ANKS1B: variants seen among roughly 807,000 people sequenced by gnomAD.
ANKS1B encodes the protein ankyrin repeat and sterile alpha motif domain-containing protein 1B.
ANKS1B carries 36 observed loss-of-function variants against 148.3 expected under a neutral mutation model. The observed-to-expected ratio is 0.24, with a 90% confidence interval of 0.19 to 0.32. The LOEUF (loss-of-function observed/expected upper bound fraction) is 0.32, where lower values mean the gene tolerates loss of function less well. ANKS1B is among the 10% of genes least tolerant of loss of function. The pLI is 1.00. For synonymous variants in ANKS1B, 542 were observed against 560.8 expected (o/e 0.97, Z 0.47); for missense variants, 1,157 against 1,542.6 (o/e 0.75, Z 4.19).
chr12:99,284,606 G>T (rs1041361221), intron 12 of ANKS1B, among the ~76,000 whole-genome samples: 1 of 151,946 alleles, frequency 6.6e-6, no homozygotes, highest in Non-Finnish European at 1.5e-5. Flanking sequence ...TTCTTGCCAG[G>T]ACAATGACAA....
chr12:99,088,198 A>G (rs1432463304), intron 15 of ANKS1B, among the ~76,000 whole-genome samples: 1 of 152,168 alleles, frequency 6.6e-6, no homozygotes, highest in Non-Finnish European at 1.5e-5. Context: ...TTTCTATTTT[A>G]TCTTTTTCTA....
chr12:99,148,836 A>T (rs897046880), intron 15 of ANKS1B, among the ~76,000 whole-genome samples: 1 of 152,116 alleles, frequency 6.6e-6, no homozygotes. Flanking sequence ...CGGCAGTTGA[A>T]AAGGTTATTT....
intron 8 of ANKS1B, among the ~76,000 whole-genome samples, chr12:99,666,753 G>C (rs1311148151): frequency 6.6e-6 from 1 of 151,908 alleles, no homozygotes; most frequent in African/African-American, 2.4e-5. Flanking sequence ...AAACAAAACT[G>C]TACATATTTA....
chr12:98,772,956 G>A, intron 25 of ANKS1B, 86 bp downstream of exon 25: 1 of 1,468,450 alleles, frequency 6.8e-7, no homozygotes, highest in South Asian at 1.3e-5. Context: ...AGCCAAGCTA[G>A]TGTGTTAATT....
intron 14 of ANKS1B, among the ~76,000 whole-genome samples, chr12:99,207,381 T>C (rs200198643): frequency 6.5e-5 from 3 of 46,028 alleles, no homozygotes; most frequent in African/African-American, 1.7e-4. Flanking sequence ...TTAATAGATA[T>C]TTATGAAATA....
rs1043883201 is a variant in ANKS1B at position 99,735,781 on chromosome 12, T to C, written c.1128+37141A>G. On this transcript the variant is annotated intron_variant, in intron 8 of 26. Coordinates refer to ENST00000683438, the MANE Select transcript of ANKS1B (RefSeq NM_001352186.2). ...TTCTATGAGGCTAGAATTACCCTGATACTAAAGCCAGACAAGGACATATAC... is the reference window on the plus strand; with the variant it reads ...TTCTATGAGGCTAGAATTACCCTGACACTAAAGCCAGACAAGGACATATAC... Among the ~76,000 whole-genome samples, 14 of 126,370 alleles carry C rather than the reference T, an allele frequency of 1.1e-4. 1 individual carries two copies. Among genetic ancestry groups the C allele is most frequent in the African/African-American group, 4.0e-4 (13 of 32,804 alleles). 82.9% of individuals were successfully genotyped at this position (126,370 alleles called of 152,430 possible).
intron 12 of ANKS1B, among the ~76,000 whole-genome samples, chr12:99,373,431 C>T (rs1433508649): frequency 2.0e-5 from 3 of 152,142 alleles, no homozygotes; most frequent in Non-Finnish European, 4.4e-5. Flanking sequence ...GAAACTATCC[C>T]TTCCCTATTA....
In ANKS1B at chr12:98,843,326, G is replaced by C. The variant is rs149455286; in HGVS notation, c.2779-11190C>G. ...GATTAGTTGTCACAGGGATGAATTA[G>C]TTCCTGCAAGAGTGGGTTGTTAAGA... On this transcript the variant is annotated intron_variant, in intron 17 of 26. Coordinates refer to ENST00000683438, the MANE Select transcript of ANKS1B (RefSeq NM_001352186.2). Among the ~76,000 whole-genome samples the C allele has an allele frequency of 2.0e-3, 312 of 152,302 alleles. 2 individuals carry two copies. The highest frequency in any genetic ancestry group is 7.2e-3 in the African/African-American group (300 of 41,562).
In ANKS1B at chr12:99,644,111, T is replaced by A. The variant is rs74821524; in HGVS notation, c.1272+10956A>T. On this transcript the variant is annotated intron_variant, in intron 9 of 26. Transcript: ENST00000683438. Reference sequence around the variant, plus strand: ...AAACCAGGCCATACCTCCAACACTTTATCTAGAAATCTACTCAGCAAAATA... The same window carrying A: ...AAACCAGGCCATACCTCCAACACTTAATCTAGAAATCTACTCAGCAAAATA... Among the ~76,000 whole-genome samples, 8 of 152,188 alleles carry A rather than the reference T, an allele frequency of 5.3e-5. No individual in the cohort carries two copies. The East Asian group carries it at 1.3e-3, about 26-fold the overall frequency.
chr12:99,085,134 C>T, intron 15 of ANKS1B, 111 bp from the exon 16 acceptor site: 1 of 848,872 alleles, frequency 1.2e-6, no homozygotes, highest in Non-Finnish European at 1.9e-6. Context: ...TTTTTATGAA[C>T]AAAGACATAG....
intron 17 of ANKS1B, among the ~76,000 whole-genome samples, chr12:98,989,798 C>A (rs1390201906): frequency 6.6e-6 from 1 of 151,860 alleles, no homozygotes; most frequent in South Asian, 2.1e-4. Context: ...GAGGCTGAGG[C>A]AGGAGGATCC....
At chr12:99,332,741 G>A (rs796138002) in intron 12 of ANKS1B, among the ~76,000 whole-genome samples, 11 of 151,770 alleles carry the variant, frequency 7.2e-5, no homozygotes, top group African/African-American at 2.7e-4. Context: ...GGGGCATTGT[G>A]GGCAGGATGA....
chr12:99,078,164 G>A (rs918918512), intron 16 of ANKS1B, among the ~76,000 whole-genome samples: 5 of 152,128 alleles, frequency 3.3e-5, no homozygotes, highest in Non-Finnish European at 7.4e-5. Flanking sequence ...CTGTTGCTTT[G>A]ATCTATTTTC....
At chr12:99,588,157 A>G (rs1211169711) in intron 9 of ANKS1B, among the ~76,000 whole-genome samples, 3 of 152,126 alleles carry the variant, frequency 2.0e-5, no homozygotes, top group Non-Finnish European at 4.4e-5. Context: ...AAAAAACAGT[A>G]AAATGCTACA....
At chr12:99,586,406 C>T (rs2097640618) in intron 9 of ANKS1B, among the ~76,000 whole-genome samples, 1 of 152,190 alleles carries the variant, frequency 6.6e-6, no homozygotes, top group Non-Finnish European at 1.5e-5. Context: ...TCATTATCAG[C>T]ATTTTGGTCA....
At chr12:98,889,162 G>A (rs1014623961) in intron 17 of ANKS1B, among the ~76,000 whole-genome samples, 2 of 152,128 alleles carry the variant, frequency 1.3e-5, no homozygotes, top group Non-Finnish European at 2.9e-5. Flanking sequence ...CCCATAATGA[G>A]TTAAACTTCT....
chr12:99,135,456 T>A (rs2067705238), intron 15 of ANKS1B, among the ~76,000 whole-genome samples: 1 of 152,196 alleles, frequency 6.6e-6, no homozygotes, highest in African/African-American at 2.4e-5. Context: ...CTCAGTCACA[T>A]CTTAGTGACA....
chr12:99,904,549 A>G (rs1360402144), intron 1 of ANKS1B, among the ~76,000 whole-genome samples: 3 of 152,120 alleles, frequency 2.0e-5, no homozygotes, highest in Admixed American at 1.3e-4. Context: ...TGATTCACCA[A>G]TTCTTATTAG....
At chr12:99,953,951 A>C (rs2095272015) in intron 1 of ANKS1B, among the ~76,000 whole-genome samples, 1 of 151,186 alleles carries the variant, frequency 6.6e-6, no homozygotes, top group Non-Finnish European at 1.5e-5. Context: ...GGTCTGGTAA[A>C]TGTAATAGGG....
Sources: gnomAD v4.1 joint callset for allele counts (sites outside exome capture counted in the v4.1 genomes callset) on GRCh38, gnomAD v4.1.1 for gene constraint, MANE v1.5 for transcripts, NCBI Gene and HGNC (gene_info 2026-07-23, HGNC 2026-07-21) for gene names.